The following GLS variants were observed in gnomAD, a reference collection of about 807,000 sequenced individuals.
GLS encodes glutaminase kidney isoform, mitochondrial.
In GLS, 36 loss-of-function variants were observed where a neutral mutation model predicts 86.7. The observed-to-expected ratio is 0.42, with a 90% CI of 0.32 to 0.55. GLS has a LOEUF of 0.55. GLS is among the 20% of genes least tolerant of loss of function. The pLI, the probability that GLS is intolerant of heterozygous loss-of-function variation, is 0.17. For missense variants in GLS, 528 were observed against 833.4 expected, an observed-to-expected ratio of 0.63 and a Z score of 4.51; for synonymous variants, 317 against 305.9, an observed-to-expected ratio of 1.04 and a Z score of -0.38.
At chr2:190,936,853 T>C (rs1167017330) in intron 14 of GLS, among the ~76,000 whole-genome samples, 1 of 151,362 alleles carries the variant, frequency 6.6e-6, no homozygotes, top group Non-Finnish European at 1.5e-5. Context: ...TGTTTTACTA[T>C]TCATCTGTAA....
At chr2:190,925,885 A>G (rs543162142) in intron 11 of GLS, among the ~76,000 whole-genome samples, 1 of 152,286 alleles carries the variant, frequency 6.6e-6, no homozygotes, top group South Asian at 2.1e-4. Context: ...GCCTTGCCAT[A>G]TTATGTGGAA....
chr2:190,894,869 A>G (rs1447939461), intron 1 of GLS, among the ~76,000 whole-genome samples: 3 of 152,218 alleles, frequency 2.0e-5, no homozygotes, highest in Admixed American at 2.0e-4. Flanking sequence ...GGAAGGCATC[A>G]CCATAACGGA....
At position 190,943,961 on chromosome 2, in the gene GLS, C is replaced by G. The variant is rs552038209; in HGVS notation, c.1651-9604C>G. On this transcript the variant is annotated intron_variant, in intron 14 of 17. Transcript: ENST00000320717. This position sits in a 1 kb window ranked among gnomAD's most constrained non-coding sequence, Gnocchi z 4.5. ...TGTGGGTTGGAATAACTATAGAAAA[C>G]TCAAGTCCATGTGCCTGGCTTTGTT... 9.9e-5 allele frequency among the ~76,000 whole-genome samples: 15 copies of G among 152,242 alleles called. No individual in the cohort carries two copies. The South Asian group carries it at 3.1e-3, about 32-fold the overall frequency.
intron 7 of GLS, among the ~76,000 whole-genome samples, chr2:190,919,138 C>T (rs925415116): frequency 6.6e-6 from 1 of 152,112 alleles, no homozygotes; most frequent in Non-Finnish European, 1.5e-5. Flanking sequence ...AATGCACTAT[C>T]TGTGAAACAC....
chr2:190,963,052 T>A lies in GLS; in HGVS notation c.*66T>A. 1 of 1,154,428 alleles carries A rather than the reference T, an allele frequency of 8.7e-7. No individual in the cohort carries two copies. Among genetic ancestry groups the A allele is most frequent in the Non-Finnish European group, 1.2e-6 (1 of 808,494 alleles). 71.5% of individuals were successfully genotyped at this position (1,154,428 alleles called of 1,614,324 possible). On this transcript the variant is annotated 3_prime_UTR_variant, in exon 18 of 18. Coordinates refer to ENST00000320717, the MANE Select transcript of GLS (RefSeq NM_014905.5). ...TTGTGGAAAATGATTATGAAGAACA[T>A]GTGTATTTCTATCTGGTAGTGATGT...
chr2:190,919,811 T>TTA (rs1157282042), intron 7 of GLS: 1 of 322,384 alleles, frequency 3.1e-6, no homozygotes, highest in Non-Finnish European at 4.5e-6. Context: ...AGATAGTGAT[T>TTA]ACAATATGGC....
Position 190,895,141 on chromosome 2 carries a change from T to C in GLS, c.387-11T>C, listed in dbSNP as rs751237066. On this transcript the variant is annotated splice_polypyrimidine_tract_variant and intron_variant, in intron 1 of 17. Coordinates refer to ENST00000320717, the MANE Select transcript of GLS (RefSeq NM_014905.5). The surrounding 1 kb of genome is among the most constrained non-coding windows in gnomAD (Gnocchi z 4.2). ...ACAAGGATTAATTTTGTGTTCTTTC[T>C]ACCTCTTTAGTAAAATAAAACAGGG... The C allele has an allele frequency of 8.4e-7, 1 of 1,189,476 alleles. No individual in the cohort carries two copies. Among genetic ancestry groups the C allele is most frequent in the South Asian group, 1.3e-5 (1 of 75,922 alleles). 73.7% of individuals were successfully genotyped at this position (1,189,476 alleles called of 1,614,324 possible). A position where few individuals can be genotyped will look rare whatever the true frequency, so the allele number is the denominator to read the frequency against.
In GLS at chr2:190,921,386, A is replaced by G. The variant is rs1018316874; in HGVS notation, c.1130+183A>G. Among the ~76,000 whole-genome samples the G allele has an allele frequency of 6.6e-6, 1 of 151,896 alleles. No individual in the cohort carries two copies. The highest frequency in any genetic ancestry group is 1.5e-5 in the Non-Finnish European group (1 of 67,820). ...AATCATACAATCAGAAGAGACCCCA[A>G]GTTTATCTCAAATTACTGGTGCTTA... is the stretch of plus-strand genomic sequence containing the variant. On this transcript the variant is annotated intron_variant, in intron 9 of 17. Coordinates refer to ENST00000320717, the MANE Select transcript of GLS (RefSeq NM_014905.5). The surrounding 1 kb of genome is among the most constrained non-coding windows in gnomAD (Gnocchi z 4.2).
chr2:190,916,041 T>C (rs1689520214), intron 7 of GLS, among the ~76,000 whole-genome samples: 1 of 152,312 alleles, frequency 6.6e-6, no homozygotes, highest in Admixed American at 6.5e-5. Flanking sequence ...TTGTCTATTA[T>C]AAGCAATTCA....
intron 6 of GLS, among the ~76,000 whole-genome samples, chr2:190,906,461 A>G (rs1689139004): frequency 1.3e-5 from 2 of 152,208 alleles, no homozygotes; most frequent in African/African-American, 2.4e-5. Flanking sequence ...ATATATATTT[A>G]TGGTTTTAGG....
Position 190,964,884 on chromosome 2 carries a change from A to AT in GLS, c.*1902dup, listed in dbSNP as rs1366058523. The stretch of plus-strand genomic sequence containing the variant: ...TTGTGTGACTTGAAGATTACCAATG[A>AT]TTTTGAGGCTTTTCTATAATAAAAA... On this transcript the variant is annotated 3_prime_UTR_variant, in exon 18 of 18. Transcript: ENST00000320717. The surrounding 1 kb of genome is among the most constrained non-coding windows in gnomAD (Gnocchi z 5.2). The AT allele has an allele frequency of 1.3e-5, 2 of 152,204 alleles. No individual in the cohort carries two copies. Among genetic ancestry groups the AT allele is most frequent in the African/African-American group, 4.8e-5 (2 of 41,440 alleles). The allele number at this position is 152,204 out of a possible 1,614,324, so 9.4% of individuals were successfully genotyped here.
intron 5 of GLS, among the ~76,000 whole-genome samples, chr2:190,904,731 G>C (rs1235554014): frequency 6.6e-6 from 1 of 152,158 alleles, no homozygotes; most frequent in Non-Finnish European, 1.5e-5. Context: ...ATGGGAAGAT[G>C]TGTGTAGGTT....
In GLS at chr2:190,914,398, ATTTAC is replaced by A. The variant is rs1689456453; in HGVS notation, c.1038+4080_1038+4084del. ...TCAGAAGACAGGATTATATTGGTTTATTTACTTCTTGTTTATATCAGTTTATGCTT... is the reference window on the plus strand; with the variant it reads ...TCAGAAGACAGGATTATATTGGTTTATTCTTGTTTATATCAGTTTATGCTT... On this transcript the variant is annotated intron_variant, in intron 7 of 17. Transcript: ENST00000320717. This position sits in a 1 kb window ranked among gnomAD's most constrained non-coding sequence, Gnocchi z 4.4. Among the ~76,000 whole-genome samples, 3 of 150,290 alleles carry A rather than the reference ATTTAC, an allele frequency of 2.0e-5. No individual in the cohort carries two copies. The highest frequency in any genetic ancestry group is 4.4e-5 in the Non-Finnish European group (3 of 67,504).
rs1187477887 is a variant in GLS at position 190,935,437 on chromosome 2, A to G, written c.1650+3800A>G. On this transcript the variant is annotated intron_variant, in intron 14 of 17. Transcript: ENST00000320717. The surrounding 1 kb of genome is among the most constrained non-coding windows in gnomAD (Gnocchi z 4.2). ...GTGTTTGCTATTCTGAAGCTGCCTC[A>G]AAGTAAACTAGAAATATTCAAAAGG... 1 of 151,882 alleles carries G rather than the reference A, an allele frequency of 6.6e-6. No homozygotes were observed. The highest frequency in any genetic ancestry group is 2.4e-5 in the African/African-American group (1 of 41,382). The allele number at this position is 151,882 out of a possible 1,614,324, so 9.4% of individuals were successfully genotyped here. A position where few individuals can be genotyped will look rare whatever the true frequency, so the allele number is the denominator to read the frequency against.
chr2:190,916,443 A>G (rs2355570), intron 7 of GLS, among the ~76,000 whole-genome samples: 34,761 of 151,964 alleles, frequency 0.23, 4,220 homozygotes, highest in East Asian at 0.46. Context: ...ATATGTAGGC[A>G]TGTGCTTTTC....
chr2:190,896,345 T>C (rs1160063530), intron 3 of GLS: 2 of 152,252 alleles, frequency 1.3e-5, no homozygotes, highest in Non-Finnish European at 2.9e-5. Context: ...TTCATTAATG[T>C]GTTTCTATTA....
In GLS at chr2:190,953,995, T is replaced by TGTGA. The variant is rs1690792491; in HGVS notation, c.1712+370_1712+371insTGAG. On this transcript the variant is annotated intron_variant, in intron 15 of 17. Transcript: ENST00000320717. This position sits in a 1 kb window ranked among gnomAD's most constrained non-coding sequence, Gnocchi z 4.0. ...GTGTGTGTGTGTGTGTGTGTGTGTG[T>TGTGA]GAAGCAGCTGGGGGGTTTGGTGTCT... Among the ~76,000 whole-genome samples, 1 of 136,834 alleles carries TGTGA rather than the reference T, an allele frequency of 7.3e-6. No individual in the cohort carries two copies. The highest frequency in any genetic ancestry group is 2.3e-4 in the South Asian group (1 of 4,352). The allele number at this position is 136,834 out of a possible 152,430, so 89.8% of individuals were successfully genotyped here. A position where few individuals can be genotyped will look rare whatever the true frequency, so the allele number is the denominator to read the frequency against.
intron 3 of GLS, among the ~76,000 whole-genome samples, chr2:190,899,337 TAGG>T (rs777465797): frequency 5.9e-5 from 9 of 152,132 alleles, no homozygotes; most frequent in East Asian, 1.9e-4. Context: ...AATGTTGTAA[TAGG>T]GGGATCCTTA....
At chr2:190,928,107 A>G (rs1689959767) in intron 12 of GLS, among the ~76,000 whole-genome samples, 1 of 151,984 alleles carries the variant, frequency 6.6e-6, no homozygotes, top group African/African-American at 2.4e-5. Flanking sequence ...TACATTACTA[A>G]TCTTGTTTCA....
Sources: gnomAD v4.1 joint callset for allele counts (sites outside exome capture counted in the v4.1 genomes callset) on GRCh38, gnomAD v4.1.1 for gene constraint, Gnocchi (gnomAD v3.1) non-coding constraint, MANE v1.5 for transcripts, NCBI Gene and HGNC (gene_info 2026-07-23, HGNC 2026-07-21) for gene names.